The following TTC7A variants were observed in gnomAD, a reference collection of about 807,000 sequenced individuals.
TTC7A encodes the protein tetratricopeptide repeat protein 7A.
In TTC7A, 110 loss-of-function variants were observed where a neutral mutation model predicts 103.7. The ratio of observed to expected loss-of-function variants is 1.06; its 90% confidence interval spans 0.91 to 1.24. The LOEUF (loss-of-function observed/expected upper bound fraction) is 1.24. Among genes scored for constraint, TTC7A ranks in the 50% most tolerant of loss-of-function variants. TTC7A has a pLI of 0.00. For synonymous variants in TTC7A, 521 were observed against 467.9 expected (o/e 1.11, Z -1.47); for missense variants, 1,340 against 1,116.3 (o/e 1.20, Z -2.86).
chr2:46,999,150 T>TACCATCCATCCATCCACCC (rs1553385073), intron 8 of TTC7A, among the ~76,000 whole-genome samples: 4 of 152,022 alleles, frequency 2.6e-5, no homozygotes, highest in Admixed American at 1.3e-4. Flanking sequence ...TCCATTCATC[T>TACCATCCATCCATCCACCC]ACCATCCATC....
chr2:46,966,340 T>A (rs1048440340), intron 3 of TTC7A, among the ~76,000 whole-genome samples: 58 of 152,356 alleles, frequency 3.8e-4, no homozygotes, highest in African/African-American at 1.4e-3. Flanking sequence ...TATTTTGTAT[T>A]TGCGGAAACA....
intron 18 of TTC7A, among the ~76,000 whole-genome samples, chr2:47,053,035 A>AC (rs953805625): frequency 6.6e-6 from 1 of 152,154 alleles, no homozygotes; most frequent in African/African-American, 2.4e-5. Flanking sequence ...AGTATGCAGT[A>AC]CGCCCCCACT....
At chr2:46,970,671 C>T (rs906777635) in intron 3 of TTC7A, among the ~76,000 whole-genome samples, 1 of 152,232 alleles carries the variant, frequency 6.6e-6, no homozygotes, top group Admixed American at 6.5e-5. Flanking sequence ...TAGGTTCGCC[C>T]CACCTTCCTG....
At chr2:46,936,675 CT>C (rs999198093), upstream of TTC7A, among the ~76,000 whole-genome samples, 1 of 152,180 alleles carries the variant, frequency 6.6e-6, no homozygotes. Context: ...TGTACACTTA[CT>C]TTTATAGACA....
intron 1 of TTC7A, among the ~76,000 whole-genome samples, chr2:46,942,989 T>C (rs538439772): frequency 3.9e-5 from 6 of 152,144 alleles, no homozygotes; most frequent in African/African-American, 1.4e-4. Context: ...CACTGCAGCC[T>C]CAACTTCCTG....
intron 2 of TTC7A, among the ~76,000 whole-genome samples, chr2:46,934,984 A>G (rs1363359606): frequency 6.6e-6 from 1 of 151,702 alleles, no homozygotes; most frequent in Non-Finnish European, 1.5e-5. Context: ...TATTTTTAGT[A>G]GAGACAGGGT....
intron 3 of TTC7A, among the ~76,000 whole-genome samples, chr2:46,973,555 G>C (rs748284606): frequency 6.6e-6 from 1 of 152,200 alleles, no homozygotes; most frequent in Non-Finnish European, 1.5e-5. Context: ...AAAGAAGCCT[G>C]TACACAAAGT....
intron 5 of TTC7A, among the ~76,000 whole-genome samples, chr2:46,982,152 C>T (rs1674530575): frequency 6.6e-6 from 1 of 152,074 alleles, no homozygotes; most frequent in Non-Finnish European, 1.5e-5. Flanking sequence ...GTGGGAGGAT[C>T]GCTTGAGTCC....
chr2:46,935,960 G>A (rs926117693), intron 2 of TTC7A, among the ~76,000 whole-genome samples: 38 of 151,920 alleles, frequency 2.5e-4, no homozygotes, highest in Admixed American at 2.4e-3. Context: ...GGGTGGTGGC[G>A]TGTGCCTGTA....
In TTC7A at chr2:47,074,308, C is replaced by T. The variant is rs1016938912; in HGVS notation, c.*385C>T. ...ACAGTACAGACTTCTGGATCTCTCT[C>T]AGGTCTTGCCCAGGGCGGTCACAAT... is the stretch of plus-strand genomic sequence containing the variant. On this transcript the variant is annotated 3_prime_UTR_variant, in exon 20 of 20. Transcript: ENST00000319190. 3.0e-5 allele frequency: 6 copies of T among 199,962 alleles called. No homozygotes were observed. Among genetic ancestry groups the T allele is most frequent in the Non-Finnish European group, 6.1e-5 (6 of 98,420 alleles). 12.4% of individuals were successfully genotyped at this position (199,962 alleles called of 1,614,324 possible).
intron 4 of TTC7A, among the ~76,000 whole-genome samples, chr2:46,978,557 T>A (rs1487673497): frequency 2.0e-5 from 1 of 49,590 alleles, no homozygotes; most frequent in African/African-American, 5.0e-5. Flanking sequence ...TAAGACCCTG[T>A]TTCTTAAAAA....
intron 3 of TTC7A, among the ~76,000 whole-genome samples, chr2:46,971,755 A>T (rs900844313): frequency 6.6e-6 from 1 of 152,178 alleles, no homozygotes; most frequent in African/African-American, 2.4e-5. Context: ...TTCTTCCATT[A>T]TACATCTCTT....
Position 47,074,954 on chromosome 2 carries a change from T to A in TTC7A, c.*1031T>A, listed in dbSNP as rs948995015. The stretch of plus-strand genomic sequence containing the variant: ...TGCTGCATGATGCTCTTGGAACTCT[T>A]CTCCAAGGAGTCAGTCCCCCAGGCC... On this transcript the variant is annotated 3_prime_UTR_variant, in exon 20 of 20. Coordinates refer to ENST00000319190, the MANE Select transcript of TTC7A (RefSeq NM_020458.4). 6.6e-6 allele frequency: 1 copy of A among 152,238 alleles called. No homozygotes were observed. Among genetic ancestry groups the A allele is most frequent in the East Asian group, 1.9e-4 (1 of 5,168 alleles). The allele number at this position is 152,238 out of a possible 1,614,324, so 9.4% of individuals were successfully genotyped here.
intron 2 of TTC7A, among the ~76,000 whole-genome samples, chr2:46,928,448 G>A (rs1210375137): frequency 7.1e-6 from 1 of 141,180 alleles, no homozygotes; most frequent in Admixed American, 7.2e-5. Flanking sequence ...TCAGGTGGTG[G>A]AAAGGGAAAT....
At chr2:46,976,261 C>G (rs896603092) in intron 4 of TTC7A, among the ~76,000 whole-genome samples, 2 of 152,180 alleles carry the variant, frequency 1.3e-5, no homozygotes, top group Non-Finnish European at 2.9e-5. Flanking sequence ...AGTAAGAAAA[C>G]AAATTTGAAG....
chr2:46,930,107 T>G (rs1368678453), intron 2 of TTC7A, among the ~76,000 whole-genome samples: 1 of 152,302 alleles, frequency 6.6e-6, no homozygotes, highest in East Asian at 1.9e-4. Flanking sequence ...CTTTCCCTAC[T>G]GTTATTTAAG....
chr2:46,958,305 C>T (rs1302953722), intron 3 of TTC7A, among the ~76,000 whole-genome samples: 3 of 152,236 alleles, frequency 2.0e-5, no homozygotes, highest in African/African-American at 2.4e-5. Context: ...CCCCGCTCTG[C>T]GCCTCTGGCA....
intron 3 of TTC7A, among the ~76,000 whole-genome samples, chr2:46,959,082 A>G (rs1223765298): frequency 6.6e-6 from 1 of 152,238 alleles, no homozygotes; most frequent in Admixed American, 6.5e-5. Context: ...GAAGTGGCAG[A>G]GGCAGGATTT....
At position 47,050,156 on chromosome 2, in the gene TTC7A, C is replaced by T. The variant is rs1237581962; in HGVS notation, c.2017+110C>T. 6.5e-6 allele frequency: 6 copies of T among 918,162 alleles called. No individual in the cohort carries two copies. In the Admixed American group the frequency reaches 1.2e-4, roughly 18 times the overall value. 56.9% of individuals were successfully genotyped at this position (918,162 alleles called of 1,614,324 possible). ...GGGCCCTCTCCCAGCCGGGCCAAGC[C>T]CACCACTGGCTCCTTGCCAGCTCGG... On this transcript the variant is annotated intron_variant, in intron 17 of 19. Transcript: ENST00000319190.
Sources: gnomAD v4.1 joint callset for allele counts (sites outside exome capture counted in the v4.1 genomes callset) on GRCh38, gnomAD v4.1.1 for gene constraint, MANE v1.5 for transcripts, NCBI Gene and HGNC (gene_info 2026-07-23, HGNC 2026-07-21) for gene names.